Variants in ZNF804B observed in about 807,000 individuals in gnomAD.
ZNF804B encodes the protein zinc finger protein 804B.
ZNF804B carries 80 observed loss-of-function variants against 101.4 expected under a neutral mutation model. That is an observed-to-expected ratio of 0.79 (90% CI 0.66 to 0.95). The LOEUF is 0.95. Ranked by LOEUF, ZNF804B falls within the 40% of genes least tolerant of loss-of-function variation. The pLI is 0.00. For synonymous variants in ZNF804B, 622 were observed against 558.8 expected (o/e 1.11, Z -1.59); for missense variants, 1,673 against 1,561.9 (o/e 1.07, Z -1.20).
intron 1 of ZNF804B, among the ~76,000 whole-genome samples, chr7:88,947,964 T>C (rs995761591): frequency 1.3e-5 from 2 of 152,014 alleles, no homozygotes; most frequent in African/African-American, 4.8e-5. Context: ...GTAAATTGTG[T>C]TGTAATTTTC....
intron 1 of ZNF804B, among the ~76,000 whole-genome samples, chr7:88,984,226 C>T (rs1793729788): frequency 1.3e-5 from 2 of 152,008 alleles, no homozygotes; most frequent in Admixed American, 6.6e-5. Context: ...TGTATAACTG[C>T]ACCTTTGTAG....
chr7:88,852,204 A>G (rs1791458465), intron 1 of ZNF804B, among the ~76,000 whole-genome samples: 1 of 152,108 alleles, frequency 6.6e-6, no homozygotes, highest in Non-Finnish European at 1.5e-5. Context: ...AGCATCCATC[A>G]TGATGTATTA....
At chr7:89,201,690 A>T (rs991154854) in intron 1 of ZNF804B, among the ~76,000 whole-genome samples, 1 of 152,194 alleles carries the variant, frequency 6.6e-6, no homozygotes, top group East Asian at 1.9e-4. Context: ...TAAAGTTTGT[A>T]TGACTTCCTC....
At chr7:89,133,139 C>G (rs1790577364) in intron 1 of ZNF804B, among the ~76,000 whole-genome samples, 1 of 151,874 alleles carries the variant, frequency 6.6e-6, no homozygotes, top group African/African-American at 2.4e-5. Flanking sequence ...TTCTGGAAAA[C>G]CAGCCAGGTG....
At chr7:89,292,062 T>C (rs1312775050) in intron 2 of ZNF804B, among the ~76,000 whole-genome samples, 2 of 151,984 alleles carry the variant, frequency 1.3e-5, no homozygotes, top group African/African-American at 4.8e-5. Flanking sequence ...TCTTCAAAAA[T>C]GAAAGAGAAA....
intron 1 of ZNF804B, among the ~76,000 whole-genome samples, chr7:89,141,913 A>G (rs922863401): frequency 7.2e-6 from 1 of 139,108 alleles, no homozygotes; most frequent in Admixed American, 7.3e-5. Context: ...TAATAATAAT[A>G]ACTGTATTTC....
At chr7:88,824,210 C>A (rs1791024081) in intron 1 of ZNF804B, among the ~76,000 whole-genome samples, 1 of 152,076 alleles carries the variant, frequency 6.6e-6, no homozygotes, top group Non-Finnish European at 1.5e-5. Flanking sequence ...TTTCCCCACC[C>A]ATATCTCATC....
intron 1 of ZNF804B, among the ~76,000 whole-genome samples, chr7:88,761,540 C>A (rs1219952775): frequency 6.6e-6 from 1 of 152,132 alleles, no homozygotes; most frequent in Non-Finnish European, 1.5e-5. Context: ...ACTCACAGTG[C>A]CAGGAGAATC....
In ZNF804B at chr7:89,143,536, C is replaced by T. The variant is rs114862748; in HGVS notation, c.109-74619C>T. On this transcript the variant is annotated intron_variant, in intron 1 of 3. Transcript: ENST00000333190. Reference sequence around the variant, plus strand: ...CTTTGGGATTCATCTTCAACATCAACTTATCCTTTTTAAAATGAATTATCT... The same window carrying T: ...CTTTGGGATTCATCTTCAACATCAATTTATCCTTTTTAAAATGAATTATCT... 3.3e-3 allele frequency among the ~76,000 whole-genome samples: 496 copies of T among 152,102 alleles called. 1 individual carries two copies. Among genetic ancestry groups the T allele is most frequent in the African/African-American group, 0.011 (471 of 41,544 alleles).
chr7:89,159,339 A>G (rs1363169684), intron 1 of ZNF804B, among the ~76,000 whole-genome samples: 2 of 152,176 alleles, frequency 1.3e-5, no homozygotes, highest in African/African-American at 2.4e-5. Context: ...TGTAGTGTTA[A>G]AGAGACCCTG....
At chr7:89,240,094 A>G (rs886599959) in intron 2 of ZNF804B, among the ~76,000 whole-genome samples, 2 of 152,032 alleles carry the variant, frequency 1.3e-5, no homozygotes, top group African/African-American at 4.8e-5. Context: ...TCTAGTTACT[A>G]CTAGTATTTT....
chr7:89,058,301 G>A (rs1789326599), intron 1 of ZNF804B, among the ~76,000 whole-genome samples: 1 of 152,048 alleles, frequency 6.6e-6, no homozygotes, highest in South Asian at 2.1e-4. Context: ...CTGTCATCAG[G>A]TTTCTACCTT....
At chr7:88,762,730 A>G (rs1435801287) in intron 1 of ZNF804B, among the ~76,000 whole-genome samples, 1 of 151,532 alleles carries the variant, frequency 6.6e-6, no homozygotes, top group Non-Finnish European at 1.5e-5. Context: ...TAGTGCCAGG[A>G]ATGACCTAAA....
intron 1 of ZNF804B, among the ~76,000 whole-genome samples, chr7:89,091,575 AT>A (rs1789887456): frequency 6.6e-6 from 1 of 152,210 alleles, no homozygotes; most frequent in African/African-American, 2.4e-5. Context: ...CTTGGTCATA[AT>A]CAAAAGCAAA....
intron 1 of ZNF804B, among the ~76,000 whole-genome samples, chr7:88,843,033 T>C (rs1029290582): frequency 6.6e-6 from 1 of 152,198 alleles, no homozygotes; most frequent in African/African-American, 2.4e-5. Context: ...AATAAATAAT[T>C]TGACACATGC....
rs774701977 is a variant in ZNF804B, at chr7:89,334,259, G to T, written c.1277G>T (p.Arg426Ile). Residue 426 changes from arginine (R) to isoleucine (I), a missense_variant, in exon 4 of 4, where the codon AGA becomes ATA. Transcript: ENST00000333190. ...KTERVSKNVQ[R>I]LVKEACTHNV... Reference sequence around the variant, plus strand: ...GAAAGAGTTAGCAAAAATGTTCAAAGACTTGTAAAAGAAGCATGTACCCAT... The same window carrying T: ...GAAAGAGTTAGCAAAAATGTTCAAATACTTGTAAAAGAAGCATGTACCCAT... The T allele has an allele frequency of 1.9e-6, 3 of 1,613,654 alleles. No homozygotes were observed. In the East Asian group the frequency reaches 6.7e-5, roughly 36 times the overall value.
chr7:88,926,951 A>T (rs992756134), intron 1 of ZNF804B, among the ~76,000 whole-genome samples: 1 of 129,550 alleles, frequency 7.7e-6, no homozygotes, highest in Non-Finnish European at 1.6e-5. Context: ...AGCGGGGGGA[A>T]AGCTGTTCTG....
At chr7:88,934,463 A>G (rs1479049092) in intron 1 of ZNF804B, among the ~76,000 whole-genome samples, 1 of 152,036 alleles carries the variant, frequency 6.6e-6, no homozygotes, top group Non-Finnish European at 1.5e-5. Context: ...TAAACAGACA[A>G]CCCACAGAAT....
Position 88,931,891 on chromosome 7 carries a change from CTG to C in ZNF804B, c.108+171811_108+171812del, listed in dbSNP as rs556067059. ...TTGTTAATAAAAATACAAAATTAGA[CTG>C]TGTAATTTAATGCTAGTACTATTGG... On this transcript the variant is annotated intron_variant, in intron 1 of 3. Transcript: ENST00000333190. Among the ~76,000 whole-genome samples the C allele has an allele frequency of 1.6e-3, 237 of 151,698 alleles. 2 individuals are homozygous for C. The highest frequency in any genetic ancestry group is 5.3e-3 in the African/African-American group (220 of 41,452).
Sources: gnomAD v4.1 joint callset for allele counts (sites outside exome capture counted in the v4.1 genomes callset) on GRCh38, gnomAD v4.1.1 for gene constraint, MANE v1.5 for transcripts, NCBI Gene and HGNC (gene_info 2026-07-23, HGNC 2026-07-21) for gene names.